The following CHRD variants were observed in gnomAD, a reference collection of about 807,000 sequenced individuals.
The protein encoded by CHRD is chordin.
In CHRD, 69 loss-of-function variants were observed where a neutral mutation model predicts 113.7. That is an observed-to-expected ratio of 0.61 (90% confidence interval 0.50 to 0.74). The LOEUF (loss-of-function observed/expected upper bound fraction) is 0.74. CHRD is among the 30% of genes least tolerant of loss of function. The probability of loss-of-function intolerance (pLI) is 0.00; values close to 1 mark genes in which losing one functional copy is unlikely to be tolerated. For missense variants in CHRD, 1,194 were observed against 1,295.8 expected (o/e 0.92, Z 1.21); for synonymous variants, 561 against 540.8 (o/e 1.04, Z -0.52).
In CHRD at chr3:184,383,395, G is replaced by C. The variant is rs1215757816; in HGVS notation, c.1297G>C (p.Gly433Arg). The change falls in exon 11 of 23, where the codon GGA (glycine) becomes CGA (arginine). Residue 433 changes from glycine to arginine, a missense_variant. Transcript: ENST00000204604. The stretch of plus-strand genomic sequence containing the variant: ...CGGCTCAGCCAGCCTCACGCTGCTA[G>C]GAAATGGCTCCCTGATCTATCAGGT... 3.7e-6 allele frequency: 6 copies of C among 1,614,076 alleles called. No individual in the cohort carries two copies. The South Asian group carries it at 4.4e-5, about 12-fold the overall frequency.
rs1248893346 is a variant in CHRD, at chr3:184,389,041, C to T, written c.2812+46C>T. 10 of 1,360,630 alleles carry T rather than the reference C, an allele frequency of 7.3e-6. No individual in the cohort carries two copies. In the East Asian group the frequency reaches 1.4e-4, roughly 19 times the overall value. The allele number at this position is 1,360,630 out of a possible 1,614,324, so 84.3% of individuals were successfully genotyped here. The stretch of plus-strand genomic sequence containing the variant: ...TCAGCAGCTGTGAGTGGAGGGCTCA[C>T]CTGCCTGTGGGACTCCTGATCAGGG... On this transcript the variant is annotated intron_variant, in intron 22 of 22. Transcript: ENST00000204604.
In CHRD at chr3:184,380,621, C is replaced by T. The variant is rs1715168934; in HGVS notation, c.149-71C>T. On this transcript the variant is annotated intron_variant, in intron 1 of 22. Coordinates refer to ENST00000204604, the Ensembl canonical transcript of CHRD. The surrounding 1 kb of genome is among the most constrained non-coding windows in gnomAD (Gnocchi z 6.3). Reference sequence around the variant, plus strand: ...GGGCGCGGTGCCTGGGACCCGGGACCCGCGGGCAGCCCCCGGGGCGGCACA... The same window carrying T: ...GGGCGCGGTGCCTGGGACCCGGGACTCGCGGGCAGCCCCCGGGGCGGCACA... 5 of 1,281,772 alleles carry T rather than the reference C, an allele frequency of 3.9e-6. No individual in the cohort carries two copies. The highest frequency in any genetic ancestry group is 6.4e-5 in the East Asian group (2 of 31,206). The allele number at this position is 1,281,772 out of a possible 1,614,324, so 79.4% of individuals were successfully genotyped here.
Position 184,383,181 on chromosome 3 carries a change from C to A in CHRD, c.1213+18C>A. On this transcript the variant is annotated intron_variant, in intron 10 of 22. Coordinates refer to ENST00000204604, the Ensembl canonical transcript of CHRD. ...CTGCGACGGTGAGGCGGGGGGGGGG[C>A]CTGGTGCGCCGGGCATGCACAACTG... The A allele has an allele frequency of 6.3e-7, 1 of 1,585,618 alleles. No individual in the cohort carries two copies. The highest frequency in any genetic ancestry group is 1.7e-5 in the Admixed American group (1 of 58,558).
exon 16 of CHRD, chr3:184,386,626 G>T (rs376517219): frequency 3.7e-5 from 59 of 1,608,418 alleles, no homozygotes; most frequent in Non-Finnish European, 4.7e-5. Context: ...CGGCCCTAGC[G>T]CCCGCCAAAC....
chr3:184,384,805 A>G lies in CHRD; in HGVS notation c.1597+112A>G. ...TCTTTGTGCCTAAGCTCCGGTTGCCATCTGAAGGTGGGGACATATAGGGTG... is the reference window on the plus strand; with the variant it reads ...TCTTTGTGCCTAAGCTCCGGTTGCCGTCTGAAGGTGGGGACATATAGGGTG... On this transcript the variant is annotated intron_variant, in intron 13 of 22. Transcript: ENST00000204604. This position sits in a 1 kb window ranked among gnomAD's most constrained non-coding sequence, Gnocchi z 4.4. 2.1e-6 allele frequency: 3 copies of G among 1,400,296 alleles called. No individual in the cohort carries two copies. Among genetic ancestry groups the G allele is most frequent in the South Asian group, 2.8e-5 (2 of 70,284 alleles). 86.7% of individuals were successfully genotyped at this position (1,400,296 alleles called of 1,614,324 possible). A position where few individuals can be genotyped will look rare whatever the true frequency, so the allele number is the denominator to read the frequency against.
In CHRD at chr3:184,380,927, GA is replaced by G; in HGVS notation, c.252+134del. On this transcript the variant is annotated intron_variant, in intron 2 of 22. Coordinates refer to ENST00000204604, the Ensembl canonical transcript of CHRD. The surrounding 1 kb of genome is among the most constrained non-coding windows in gnomAD (Gnocchi z 6.3). The stretch of plus-strand genomic sequence containing the variant: ...TGTTGGGGATATTTTTCTGGTGGAG[GA>G]AGGGGAATCAGCCCCTCCAATTCTT... 1.3e-6 allele frequency: 1 copy of G among 789,016 alleles called. No individual in the cohort carries two copies. The allele number at this position is 789,016 out of a possible 1,614,324, so 48.9% of individuals were successfully genotyped here.
rs1187929726 is a variant in CHRD, at chr3:184,380,391, C to T, written c.73C>T (p.Arg25Cys). 3.0e-6 allele frequency: 4 copies of T among 1,342,416 alleles called. No individual in the cohort carries two copies. Among genetic ancestry groups the T allele is most frequent in the South Asian group, 1.5e-5 (1 of 68,144 alleles). 83.2% of individuals were successfully genotyped at this position (1,342,416 alleles called of 1,614,324 possible). ...GCTGCTGCTCGGCTCCCGGCCGGCC[C>T]GCGGCGCCGGCCCAGAGCCCCCCGT... Residue 25 changes from arginine (R) to cysteine (C), a missense_variant, in exon 1 of 23, where the codon CGC (arginine) becomes TGC (cysteine). Arg to Cys is a radical substitution (Grantham distance 180). Coordinates refer to ENST00000204604, the Ensembl canonical transcript of CHRD. This position sits in a 1 kb window ranked among gnomAD's most constrained non-coding sequence, Gnocchi z 6.3.
chr3:184,388,876 G>A lies in CHRD; in HGVS notation c.2710-17G>A, dbSNP rs771694935. On this transcript the variant is annotated splice_polypyrimidine_tract_variant and intron_variant, in intron 21 of 22. Coordinates refer to ENST00000204604, the Ensembl canonical transcript of CHRD. This position sits in a 1 kb window ranked among gnomAD's most constrained non-coding sequence, Gnocchi z 6.1. Reference sequence around the variant, plus strand: ...TGCCTCTGGGGGACACTCAGTGTCTGCTCTGTCTTGTACCAGGCAGGGGTG... The same window carrying A: ...TGCCTCTGGGGGACACTCAGTGTCTACTCTGTCTTGTACCAGGCAGGGGTG... 4 of 1,610,978 alleles carry A rather than the reference G, an allele frequency of 2.5e-6. No individual in the cohort carries two copies. In the Admixed American group the frequency reaches 5.0e-5, roughly 20 times the overall value.
At position 184,380,886 on chromosome 3, in the gene CHRD, G is replaced by T; in HGVS notation, c.252+91G>T. 1.0e-6 allele frequency: 1 copy of T among 978,000 alleles called. No individual in the cohort carries two copies. The highest frequency in any genetic ancestry group is 1.5e-6 in the Non-Finnish European group (1 of 653,938). The allele number at this position is 978,000 out of a possible 1,614,324, so 60.6% of individuals were successfully genotyped here. ...GAGTGGACTCGGAGCTGCTGAGAAG[G>T]AGCCCAGTCGGCAGATGTTGGGGAT... On this transcript the variant is annotated intron_variant, in intron 2 of 22. Transcript: ENST00000204604. The surrounding 1 kb of genome is among the most constrained non-coding windows in gnomAD (Gnocchi z 6.3).
At position 184,380,480 on chromosome 3, in the gene CHRD, CG is replaced by C; in HGVS notation, c.148+19del. 17 of 1,123,810 alleles carry C rather than the reference CG, an allele frequency of 1.5e-5. No individual in the cohort carries two copies. The highest frequency in any genetic ancestry group is 5.1e-5 in the Admixed American group (1 of 19,672). 69.6% of individuals were successfully genotyped at this position (1,123,810 alleles called of 1,614,324 possible). Reference sequence around the variant, plus strand: ...GGGGAGCGGCAGGTAGGTGGGCGCCCGGGGGAGGCGCGGGCGGGGAGTCGGG... The same window carrying C: ...GGGGAGCGGCAGGTAGGTGGGCGCCCGGGGAGGCGCGGGCGGGGAGTCGGG... On this transcript the variant is annotated intron_variant, in intron 1 of 22. Coordinates refer to ENST00000204604, the Ensembl canonical transcript of CHRD. This position sits in a 1 kb window ranked among gnomAD's most constrained non-coding sequence, Gnocchi z 6.3.
rs948134779 is a variant in CHRD at position 184,381,766 on chromosome 3, C to G, written c.562C>G (p.Arg188Gly). The change falls in exon 5 of 23, where the codon CGA becomes GGA. Residue 188 changes from arginine (R) to glycine (G), a missense_variant. By Grantham distance (125) the Arg-to-Gly change is moderately radical. Transcript: ENST00000204604. This position sits in a 1 kb window ranked among gnomAD's most constrained non-coding sequence, Gnocchi z 4.7. ...GAGGTCGCAGGCGGTGGCACGAGCC[C>G]GAGTCTCGCTGCTGCGCTCTAGCCT... 7.4e-6 allele frequency: 12 copies of G among 1,613,076 alleles called. No individual in the cohort carries two copies. The Admixed American group carries it at 1.2e-4, about 16-fold the overall frequency.
At position 184,383,172 on chromosome 3, in the gene CHRD, G is replaced by C. The variant is rs758925353; in HGVS notation, c.1213+9G>C. 6.4e-7 allele frequency: 1 copy of C among 1,569,714 alleles called. No individual in the cohort carries two copies. The highest frequency in any genetic ancestry group is 1.4e-5 in the African/African-American group (1 of 71,538). Reference sequence around the variant, plus strand: ...CAGGAAGAGCTGCGACGGTGAGGCGGGGGGGGGGCCTGGTGCGCCGGGCAT... The same window carrying C: ...CAGGAAGAGCTGCGACGGTGAGGCGCGGGGGGGGCCTGGTGCGCCGGGCAT... On this transcript the variant is annotated intron_variant, in intron 10 of 22. Transcript: ENST00000204604.
rs1430396371 is a variant in CHRD, at chr3:184,387,470, C to T, written c.2444C>T (p.Thr815Ile). ...GGCTTAATTAAGTGTGCTGTCTGCA[C>T]CTGCAAGGTATGGCCACCCAATCTT... The change falls in exon 19 of 23, where the codon ACC becomes ATC. Residue 815 changes from threonine (T) to isoleucine (I), a missense_variant. Physicochemically the swap from Thr to Ile is moderately conservative, Grantham distance 89. Coordinates refer to ENST00000204604, the Ensembl canonical transcript of CHRD. The surrounding 1 kb of genome is among the most constrained non-coding windows in gnomAD (Gnocchi z 6.1). The T allele has an allele frequency of 8.1e-6, 13 of 1,607,036 alleles. No individual in the cohort carries two copies. Among genetic ancestry groups the T allele is most frequent in the Non-Finnish European group, 1.0e-5 (12 of 1,177,038 alleles).
Position 184,386,832 on chromosome 3 carries a change from C to G in CHRD, c.2197-13C>G. The G allele has an allele frequency of 6.2e-7, 1 of 1,614,134 alleles. No individual in the cohort carries two copies. The highest frequency in any genetic ancestry group is 8.5e-7 in the Non-Finnish European group (1 of 1,180,038). ...CTGGACACTCCCGTCAATGCCTCTG[C>G]TCCTCTCTGCAGAGACGAACGGTGA... is the stretch of plus-strand genomic sequence containing the variant. On this transcript the variant is annotated splice_polypyrimidine_tract_variant and intron_variant, in intron 16 of 22. Coordinates refer to ENST00000204604, the Ensembl canonical transcript of CHRD.
chr3:184,382,655 C>T (rs1451857103), exon 8 of CHRD: 2 of 1,613,430 alleles, frequency 1.2e-6, no homozygotes, highest in Non-Finnish European at 1.7e-6. Context: ...GCCATCCTGA[C>T]TCTAGAAGGC....
Position 184,384,924 on chromosome 3 carries a change from C to A in CHRD, c.1598-94C>A. The A allele has an allele frequency of 7.3e-7, 1 of 1,362,872 alleles. No individual in the cohort carries two copies. Among genetic ancestry groups the A allele is most frequent in the Non-Finnish European group, 1.0e-6 (1 of 972,674 alleles). The allele number at this position is 1,362,872 out of a possible 1,614,324, so 84.4% of individuals were successfully genotyped here. A position where few individuals can be genotyped will look rare whatever the true frequency, so the allele number is the denominator to read the frequency against. ...GACCTATGGACAGTGTCTTCCAGCT[C>A]GTGGAATGTGTGCTGGGGAGCTGGG... On this transcript the variant is annotated intron_variant, in intron 13 of 22. Coordinates refer to ENST00000204604, the Ensembl canonical transcript of CHRD. This position sits in a 1 kb window ranked among gnomAD's most constrained non-coding sequence, Gnocchi z 4.4.
Position 184,380,676 on chromosome 3 carries a change from A to G in CHRD, c.149-16A>G. 6.4e-7 allele frequency: 1 copy of G among 1,567,792 alleles called. No individual in the cohort carries two copies. Among genetic ancestry groups the G allele is most frequent in the Non-Finnish European group, 8.6e-7 (1 of 1,164,540 alleles). On this transcript the variant is annotated splice_polypyrimidine_tract_variant and intron_variant, in intron 1 of 22. Coordinates refer to ENST00000204604, the Ensembl canonical transcript of CHRD. The surrounding 1 kb of genome is among the most constrained non-coding windows in gnomAD (Gnocchi z 6.3). ...GCGAGCTGGGCAGCGGCCTCCAGCC[A>G]AGCCCGTCCCCGCAGGCTGCACCTT...
rs1423397405 is a variant in CHRD at position 184,388,176 on chromosome 3, G to A, written c.2554+143G>A. ...GCCTGGAGCCAGGACTCTAAATGCA[G>A]TGGAAAGAATGTGATATACTAGTGG... On this transcript the variant is annotated intron_variant, in intron 20 of 22. Transcript: ENST00000204604. This position sits in a 1 kb window ranked among gnomAD's most constrained non-coding sequence, Gnocchi z 6.1. 1 of 732,542 alleles carries A rather than the reference G, an allele frequency of 1.4e-6. No individual in the cohort carries two copies. Among genetic ancestry groups the A allele is most frequent in the East Asian group, 2.7e-5 (1 of 36,986 alleles). The allele number at this position is 732,542 out of a possible 1,614,324, so 45.4% of individuals were successfully genotyped here. A position where few individuals can be genotyped will look rare whatever the true frequency, so the allele number is the denominator to read the frequency against.
In CHRD at chr3:184,380,918, C is replaced by G. The variant is rs975273363; in HGVS notation, c.252+123C>G. ...GTCGGCAGATGTTGGGGATATTTTT[C>G]TGGTGGAGGAAGGGGAATCAGCCCC... On this transcript the variant is annotated intron_variant, in intron 2 of 22. Coordinates refer to ENST00000204604, the Ensembl canonical transcript of CHRD. This position sits in a 1 kb window ranked among gnomAD's most constrained non-coding sequence, Gnocchi z 6.3. 17 of 810,528 alleles carry G rather than the reference C, an allele frequency of 2.1e-5. No homozygotes were observed. The highest frequency in any genetic ancestry group is 3.4e-5 in the Non-Finnish European group (17 of 495,648). The allele number at this position is 810,528 out of a possible 1,614,324, so 50.2% of individuals were successfully genotyped here.
Sources: gnomAD v4.1 joint callset for allele counts on GRCh38, gnomAD v4.1.1 for gene constraint, Gnocchi (gnomAD v3.1) non-coding constraint, MANE v1.5 for transcripts, NCBI Gene and HGNC (gene_info 2026-07-23, HGNC 2026-07-21) for gene names.